The following PDCD6IP variants were observed in gnomAD, a reference collection of about 807,000 sequenced individuals.
PDCD6IP encodes programmed cell death 6-interacting protein.
A neutral mutation model predicts 103.7 loss-of-function variants in PDCD6IP; 43 were observed. The ratio of observed to expected loss-of-function variants is 0.41; its 90% confidence interval spans 0.32 to 0.53. The LOEUF is 0.53. PDCD6IP is among the 20% of genes least tolerant of loss of function. The probability of loss-of-function intolerance (pLI) is 0.16; values close to 1 mark genes in which losing one functional copy is unlikely to be tolerated. For synonymous variants in PDCD6IP, 354 were observed against 378.7 expected (o/e 0.93, Z 0.76); for missense variants, 871 against 1,036.7 (o/e 0.84, Z 2.20).
chr3:33,842,437 A>G (rs1206144809), intron 10 of PDCD6IP, among the ~76,000 whole-genome samples: 2 of 151,994 alleles, frequency 1.3e-5, no homozygotes, highest in East Asian at 3.9e-4. Context: ...ATTTGTCTTA[A>G]CCTGGAAGGT....
chr3:33,835,227 C>A, intron 7 of PDCD6IP: 2 of 456,544 alleles, frequency 4.4e-6, no homozygotes, highest in South Asian at 3.1e-5. Flanking sequence ...TTGTTCACTT[C>A]CTGTGTTGTT....
chr3:33,839,237 G>A (rs530400981), intron 9 of PDCD6IP, among the ~76,000 whole-genome samples: 2 of 152,234 alleles, frequency 1.3e-5, no homozygotes, highest in South Asian at 4.1e-4. Context: ...GCCCCTGGCC[G>A]CTATTGATCT....
chr3:33,831,809 C>T (rs1199702811), intron 7 of PDCD6IP, among the ~76,000 whole-genome samples: 1 of 151,956 alleles, frequency 6.6e-6, no homozygotes, highest in Non-Finnish European at 1.5e-5. Flanking sequence ...GTCATTCTTA[C>T]TGAAGTGGTA....
intron 6 of PDCD6IP, chr3:33,827,761 T>C (rs1315884019): frequency 1.3e-5 from 2 of 152,192 alleles, no homozygotes; most frequent in African/African-American, 4.8e-5. Flanking sequence ...AAATCTCCTG[T>C]TTCAGAACCA....
At chr3:33,856,050 A>G (rs368326928) in intron 15 of PDCD6IP, among the ~76,000 whole-genome samples, 65 of 152,318 alleles carry the variant, frequency 4.3e-4, no homozygotes, top group South Asian at 2.5e-3. Flanking sequence ...CAGCCACAGC[A>G]TTAGATTCTC....
intron 15 of PDCD6IP, among the ~76,000 whole-genome samples, chr3:33,857,758 AGATAG>A (rs1308012444): frequency 5.3e-5 from 8 of 152,126 alleles, no homozygotes; most frequent in African/African-American, 1.7e-4. Flanking sequence ...AAATAAGAAT[AGATAG>A]AAGATAGATG....
chr3:33,846,651 T>C (rs1488690222), intron 12 of PDCD6IP, among the ~76,000 whole-genome samples: 1 of 152,156 alleles, frequency 6.6e-6, no homozygotes, highest in Non-Finnish European at 1.5e-5. Flanking sequence ...AGTAAACGTG[T>C]AGGATCGGAG....
chr3:33,809,803 G>A (rs1696677493), intron 1 of PDCD6IP, among the ~76,000 whole-genome samples: 1 of 152,118 alleles, frequency 6.6e-6, no homozygotes, highest in African/African-American at 2.4e-5. Context: ...TCATGACCTT[G>A]ACATTTTTGA....
chr3:33,866,629 C>A lies in PDCD6IP; in HGVS notation c.*104C>A, dbSNP rs1254941375. The A allele has an allele frequency of 2.3e-6, 2 of 882,330 alleles. No homozygotes were observed. Among genetic ancestry groups the A allele is most frequent in the Non-Finnish European group, 3.3e-6 (2 of 604,980 alleles). The allele number at this position is 882,330 out of a possible 1,614,324, so 54.7% of individuals were successfully genotyped here. On this transcript the variant is annotated 3_prime_UTR_variant, in exon 18 of 18. Coordinates refer to ENST00000307296, the MANE Select transcript of PDCD6IP (RefSeq NM_013374.6). ...CGCTCTGGTTAATGTAATGTACTCT[C>A]CTGGACTGAATGCAGTGTATAATTT...
chr3:33,844,373 A>G (rs1697544868), intron 11 of PDCD6IP, 150 bp downstream of exon 11: 2 of 457,624 alleles, frequency 4.4e-6, no homozygotes, highest in South Asian at 5.7e-5. Flanking sequence ...AGTTCACAAA[A>G]GTAATCTGCC....
At chr3:33,839,116 G>A (rs2125564569) in intron 9 of PDCD6IP, among the ~76,000 whole-genome samples, 1 of 152,222 alleles carries the variant, frequency 6.6e-6, no homozygotes, top group South Asian at 2.1e-4. Flanking sequence ...CATTTAGTTA[G>A]TTTTGATAAA....
Position 33,857,167 on chromosome 3 carries a change from TTCTAAATG to T in PDCD6IP, c.2120+1909_2120+1916del, listed in dbSNP as rs1244773585. Among the ~76,000 whole-genome samples, 4 of 151,050 alleles carry T rather than the reference TTCTAAATG, an allele frequency of 2.6e-5. No individual in the cohort carries two copies. The East Asian group carries it at 7.9e-4, about 30-fold the overall frequency. On this transcript the variant is annotated intron_variant, in intron 15 of 17. Coordinates refer to ENST00000307296, the MANE Select transcript of PDCD6IP (RefSeq NM_013374.6). ...AATAATTAGAATGTTTTAAAAATGG[TTCTAAATG>T]TTTAAAAAAAGGTGATTTTTTTTTA... is the stretch of plus-strand genomic sequence containing the variant.
At chr3:33,849,180 G>T (rs1384208714) in intron 12 of PDCD6IP, among the ~76,000 whole-genome samples, 1 of 152,170 alleles carries the variant, frequency 6.6e-6, no homozygotes, top group Non-Finnish European at 1.5e-5. Flanking sequence ...CATTCTGTTT[G>T]ACCTCATCTC....
intron 5 of PDCD6IP, 57 bp downstream of exon 5, chr3:33,825,397 T>C: frequency 2.9e-6 from 4 of 1,399,118 alleles, no homozygotes; most frequent in Non-Finnish European, 3.9e-6. Context: ...GCTTTTAAAT[T>C]AAGAAAGTGA....
chr3:33,807,752 G>A (rs2125543520), intron 1 of PDCD6IP, among the ~76,000 whole-genome samples: 1 of 152,240 alleles, frequency 6.6e-6, no homozygotes, highest in Middle Eastern at 3.4e-3. Context: ...CCCAACCTAG[G>A]CAAAAAAGGT....
chr3:33,804,346 A>G (rs903356521), intron 1 of PDCD6IP, among the ~76,000 whole-genome samples: 2 of 152,224 alleles, frequency 1.3e-5, no homozygotes, highest in African/African-American at 4.8e-5. Context: ...GAATTTCTCC[A>G]GGGACCCCCT....
intron 3 of PDCD6IP, among the ~76,000 whole-genome samples, chr3:33,820,721 G>A (rs1696972946): frequency 6.6e-6 from 1 of 152,102 alleles, no homozygotes; most frequent in Non-Finnish European, 1.5e-5. Context: ...CCGTGTTATA[G>A]CATATGATTT....
rs148582660 is a variant in PDCD6IP, at chr3:33,835,280, C to T, written c.835-764C>T. The T allele has an allele frequency of 9.6e-4, 439 of 456,562 alleles. 5 individuals carry two copies. The highest frequency in any genetic ancestry group is 8.7e-3 in the Admixed American group (369 of 42,562). The allele number at this position is 456,562 out of a possible 1,614,324, so 28.3% of individuals were successfully genotyped here. ...TCCACCCTTTCACTGAGAGTTAGGC[C>T]GTTTGAGGTTCCTGCCTTCATGTGA... On this transcript the variant is annotated intron_variant, in intron 7 of 17. Coordinates refer to ENST00000307296, the MANE Select transcript of PDCD6IP (RefSeq NM_013374.6).
intron 4 of PDCD6IP, among the ~76,000 whole-genome samples, chr3:33,823,886 C>A (rs1697051666): frequency 6.6e-6 from 1 of 152,138 alleles, no homozygotes; most frequent in African/African-American, 2.4e-5. Flanking sequence ...TTAGAAAGGT[C>A]ATTCTGAATT....
Sources: gnomAD v4.1 joint callset for allele counts (sites outside exome capture counted in the v4.1 genomes callset) on GRCh38, gnomAD v4.1.1 for gene constraint, MANE v1.5 for transcripts, NCBI Gene and HGNC (gene_info 2026-07-23, HGNC 2026-07-21) for gene names.